MTUS2: variants seen among roughly 807,000 people sequenced by gnomAD.
MTUS2 encodes the protein microtubule associated scaffold protein 2.
A neutral mutation model predicts 114.1 loss-of-function variants in MTUS2; 40 were observed. The observed-to-expected ratio is 0.35, with a 90% CI of 0.27 to 0.46. The LOEUF is 0.46. Among genes scored for constraint, MTUS2 ranks in the 20% least tolerant of loss-of-function variants. The pLI is 1.00. For missense variants in MTUS2, 1,679 were observed against 1,705.4 expected (o/e 0.98, Z 0.27); for synonymous variants, 688 against 672.0 (o/e 1.02, Z -0.37).
intron 6 of MTUS2, among the ~76,000 whole-genome samples, chr13:29,296,804 T>C (rs1484485274): frequency 6.6e-6 from 1 of 152,210 alleles, no homozygotes; most frequent in Non-Finnish European, 1.5e-5. Context: ...TTTTGATGTT[T>C]ACTGTTGAGT....
intron 7 of MTUS2, among the ~76,000 whole-genome samples, chr13:29,332,759 C>T (rs1311881480): frequency 6.6e-6 from 1 of 151,226 alleles, no homozygotes; most frequent in Non-Finnish European, 1.5e-5. Flanking sequence ...CTCAGCCTCC[C>T]GAGTAGCTGG....
chr13:29,410,756 GT>G (rs1162540445), intron 8 of MTUS2, among the ~76,000 whole-genome samples: 1 of 152,030 alleles, frequency 6.6e-6, no homozygotes, highest in Non-Finnish European at 1.5e-5. Flanking sequence ...ACATTTATTA[GT>G]TTTTTATTGC....
At chr13:28,852,238 T>G (rs760719418) in intron 2 of MTUS2, among the ~76,000 whole-genome samples, 1 of 152,166 alleles carries the variant, frequency 6.6e-6, no homozygotes, top group Non-Finnish European at 1.5e-5. Flanking sequence ...TTATTCTGAC[T>G]TATTTTCTTC....
At chr13:29,007,538 C>G (rs144447490) in intron 2 of MTUS2, among the ~76,000 whole-genome samples, 4 of 152,290 alleles carry the variant, frequency 2.6e-5, no homozygotes, top group Non-Finnish European at 5.9e-5. Context: ...TAACTATTTA[C>G]TTTAACTGTG....
intron 2 of MTUS2, among the ~76,000 whole-genome samples, chr13:28,958,904 C>A (rs768461168): frequency 6.6e-6 from 1 of 152,104 alleles, no homozygotes; most frequent in Admixed American, 6.5e-5. Flanking sequence ...TAATATTTAA[C>A]AAATTTTTAA....
intron 2 of MTUS2, among the ~76,000 whole-genome samples, chr13:29,001,403 T>C (rs1885377678): frequency 6.6e-6 from 1 of 152,138 alleles, no homozygotes; most frequent in Admixed American, 6.5e-5. Flanking sequence ...TTTAAAAAGA[T>C]ACCTGACAGA....
At chr13:28,849,255 C>T (rs899919428) in intron 2 of MTUS2, among the ~76,000 whole-genome samples, 19 of 152,028 alleles carry the variant, frequency 1.2e-4, no homozygotes, top group Non-Finnish European at 2.6e-4. Flanking sequence ...AAATATGTGC[C>T]GGAGTTTATG....
intron 4 of MTUS2, among the ~76,000 whole-genome samples, chr13:29,065,077 A>G (rs1888604184): frequency 6.6e-6 from 1 of 152,196 alleles, no homozygotes; most frequent in African/African-American, 2.4e-5. Context: ...GAATAGTGCT[A>G]CAGTGAACAT....
chr13:28,941,035 T>C (rs1356040578), intron 2 of MTUS2, among the ~76,000 whole-genome samples: 1 of 150,310 alleles, frequency 6.7e-6, no homozygotes, highest in African/African-American at 2.4e-5. Context: ...ATAGCTATAC[T>C]AAATATGTAG....
chr13:29,335,136 G>A lies in MTUS2; in HGVS notation c.2905+10425G>A, dbSNP rs964281104. ...TTCAAAAGCAAATAGGAGAAATATC[G>A]CTGAATTCTTTTTCTCAGCAAGGAA... On this transcript the variant is annotated intron_variant, in intron 7 of 15. Coordinates refer to ENST00000612955, the MANE Select transcript of MTUS2 (RefSeq NM_001033602.4). Among the ~76,000 whole-genome samples, 13 of 152,268 alleles carry A rather than the reference G, an allele frequency of 8.5e-5. 1 individual carries two copies. Among genetic ancestry groups the A allele is most frequent in the South Asian group, 2.1e-4 (1 of 4,814 alleles).
intron 2 of MTUS2, among the ~76,000 whole-genome samples, chr13:28,872,602 A>G (rs993102178): frequency 1.3e-5 from 2 of 152,170 alleles, no homozygotes; most frequent in Non-Finnish European, 2.9e-5. Flanking sequence ...ATGTACAGAG[A>G]TCACATGGCA....
intron 2 of MTUS2, among the ~76,000 whole-genome samples, chr13:28,938,207 A>T (rs956115660): frequency 6.6e-6 from 1 of 151,932 alleles, no homozygotes; most frequent in Non-Finnish European, 1.5e-5. Flanking sequence ...ACATGGTGAA[A>T]CCTGTCTCTA....
intron 5 of MTUS2, among the ~76,000 whole-genome samples, chr13:29,214,003 G>T: frequency 6.6e-6 from 1 of 151,008 alleles, no homozygotes. Context: ...TTGTTTTAGG[G>T]TTCATAATAT....
chr13:29,186,158 G>A (rs1462473794), intron 5 of MTUS2, among the ~76,000 whole-genome samples: 1 of 152,224 alleles, frequency 6.6e-6, no homozygotes, highest in African/African-American at 2.4e-5. Context: ...AGGCTGCAGT[G>A]AGCTGTTATC....
intron 4 of MTUS2, among the ~76,000 whole-genome samples, chr13:29,095,925 A>C (rs1332353160): frequency 6.6e-6 from 1 of 151,858 alleles, no homozygotes; most frequent in Non-Finnish European, 1.5e-5. Flanking sequence ...TATTATATTT[A>C]TAATAGCTCT....
chr13:29,486,283 T>A (rs1279878087), intron 10 of MTUS2, among the ~76,000 whole-genome samples: 1 of 152,228 alleles, frequency 6.6e-6, no homozygotes, highest in Admixed American at 6.5e-5. Flanking sequence ...TTTTGCTCAG[T>A]GATATTTGTT....
intron 2 of MTUS2, among the ~76,000 whole-genome samples, chr13:28,979,623 C>T (rs1022852231): frequency 7.9e-5 from 12 of 151,916 alleles, no homozygotes; most frequent in African/African-American, 2.9e-4. Context: ...CATGTAGTCA[C>T]CATGAGTTTA....
intron 9 of MTUS2, among the ~76,000 whole-genome samples, chr13:29,454,057 GTC>G (rs1215663004): frequency 2.6e-5 from 4 of 152,218 alleles, no homozygotes; most frequent in African/African-American, 9.6e-5. Context: ...TAGTAGTCAA[GTC>G]TCTTTTTGAT....
At chr13:28,868,867 T>C (rs1000248027) in intron 2 of MTUS2, among the ~76,000 whole-genome samples, 1 of 152,202 alleles carries the variant, frequency 6.6e-6, no homozygotes, top group African/African-American at 2.4e-5. Context: ...AAAGTTCATG[T>C]CAGACTAGAC....
Sources: allele counts gnomAD v4.1 joint callset (sites outside exome capture counted in the v4.1 genomes callset), GRCh38; gene constraint gnomAD v4.1.1; transcripts MANE v1.5; gene names NCBI Gene and HGNC (gene_info 2026-07-23, HGNC 2026-07-21).